PDE1A: variants seen among roughly 807,000 people sequenced by gnomAD.
The protein encoded by PDE1A is dual specificity calcium/calmodulin-dependent 3',5'-cyclic nucleotide phosphodiesterase 1A.
Under a neutral mutation model 61.7 loss-of-function variants are expected in PDE1A, and 35 were observed. The observed-to-expected ratio is 0.57, with a 90% CI of 0.43 to 0.75. The LOEUF is 0.75. Ranked by LOEUF, PDE1A falls within the 30% of genes least tolerant of loss-of-function variation. PDE1A has a pLI of 0.00. For synonymous variants in PDE1A, 232 were observed against 213.2 expected (o/e 1.09, Z -0.77); for missense variants, 597 against 630.6 (o/e 0.95, Z 0.57).
chr2:182,292,484 A>G (rs1210134034), intron 1 of PDE1A, among the ~76,000 whole-genome samples: 1 of 152,018 alleles, frequency 6.6e-6, no homozygotes, highest in Non-Finnish European at 1.5e-5. Flanking sequence ...TATCTGTCAC[A>G]CAGAATTTGA....
chr2:182,654,942 T>G, the PDE1A span, among the ~76,000 whole-genome samples: 183 of 152,302 alleles, frequency 1.2e-3, 2 homozygotes, highest in African/African-American at 4.3e-3. Context: ...GGTCAAGGCC[T>G]CCTGGTTATT....
At chr2:182,205,856 T>C in intron 8 of PDE1A, 84 bp downstream of exon 8, 1 of 1,267,418 alleles carries the variant, frequency 7.9e-7, no homozygotes, top group Non-Finnish European at 1.1e-6. Flanking sequence ...ATGCATCGAC[T>C]TTCATCTTTT....
the PDE1A span, among the ~76,000 whole-genome samples, chr2:182,645,814 T>C: frequency 3.3e-5 from 5 of 152,232 alleles, no homozygotes; most frequent in Non-Finnish European, 7.3e-5. Context: ...GCCAGCTTCT[T>C]GTTCCATAGT....
In PDE1A at chr2:182,298,258, G is replaced by C. The variant is rs1463568551; in HGVS notation, c.54-33844C>G. Among the ~76,000 whole-genome samples, 6 of 152,316 alleles carry C rather than the reference G, an allele frequency of 3.9e-5. No individual in the cohort carries two copies. In the Middle Eastern group the frequency reaches 0.01, roughly 259 times the overall value. ...TATGAAATTGGGCGGCTGTTGATAA[G>C]TGCCATTGCAGCGCTTAAAGCAAGA... On this transcript the variant is annotated intron_variant, in intron 1 of 13. Transcript: ENST00000351439.
intron 1 of PDE1A, among the ~76,000 whole-genome samples, chr2:182,342,550 A>G (rs1698259417): frequency 6.6e-6 from 1 of 152,266 alleles, no homozygotes; most frequent in South Asian, 2.1e-4. Context: ...TGGCGTGGTA[A>G]CACGTGCCTG....
At chr2:182,467,523 A>G (rs559895088) in intron 2 of PDE1A, among the ~76,000 whole-genome samples, 1 of 152,062 alleles carries the variant, frequency 6.6e-6, no homozygotes, top group East Asian at 1.9e-4. Flanking sequence ...CAGAGAGTAG[A>G]GTATTAGAAA....
chr2:182,165,826 T>A (rs1462308951), downstream of PDE1A, among the ~76,000 whole-genome samples: 21 of 152,352 alleles, frequency 1.4e-4, no homozygotes, highest in Admixed American at 1.2e-3. Flanking sequence ...TATATTAACA[T>A]GTCTTAAGCA....
At chr2:182,601,940 TC>T in the PDE1A span, among the ~76,000 whole-genome samples, 1 of 152,126 alleles carries the variant, frequency 6.6e-6, no homozygotes, top group South Asian at 2.1e-4. Context: ...CACCACAAGT[TC>T]CCACTCCATT....
chr2:182,691,286 A>C, the PDE1A span, among the ~76,000 whole-genome samples: 1 of 152,232 alleles, frequency 6.6e-6, no homozygotes, highest in Admixed American at 6.5e-5. Context: ...ACTATACTAC[A>C]AGGCTACAGT....
the PDE1A span, among the ~76,000 whole-genome samples, chr2:182,583,540 C>G: frequency 6.6e-6 from 1 of 152,158 alleles, no homozygotes; most frequent in Non-Finnish European, 1.5e-5. Context: ...GTTTACTTTT[C>G]CTTTGGGTAA....
At chr2:182,541,035 C>T in the PDE1A span, among the ~76,000 whole-genome samples, 4 of 151,706 alleles carry the variant, frequency 2.6e-5, no homozygotes, top group Admixed American at 1.3e-4. Flanking sequence ...GGGAAAGATC[C>T]GAGAAAGGAA....
intron 2 of PDE1A, among the ~76,000 whole-genome samples, chr2:182,512,511 C>T (rs1210517688): frequency 6.6e-6 from 1 of 152,166 alleles, no homozygotes; most frequent in Non-Finnish European, 1.5e-5. Flanking sequence ...AAGAAAGAAA[C>T]AATGCAAGAA....
chr2:182,626,754 T>TATATATAC, the PDE1A span, among the ~76,000 whole-genome samples: 1 of 5,078 alleles, frequency 2.0e-4, no homozygotes, highest in Non-Finnish European at 7.6e-4. Flanking sequence ...TATACATATA[T>TATATATAC]ATATATACAT....
intron 2 of PDE1A, among the ~76,000 whole-genome samples, chr2:182,522,007 T>C (rs141795053): frequency 6.6e-6 from 1 of 152,254 alleles, no homozygotes; most frequent in African/African-American, 2.4e-5. Flanking sequence ...GAACCACATA[T>C]CTAAACAGCA....
chr2:182,207,726 C>T (rs370632976), intron 7 of PDE1A, among the ~76,000 whole-genome samples: 3 of 152,190 alleles, frequency 2.0e-5, no homozygotes, highest in Admixed American at 2.0e-4. Context: ...ATTTCAGAGA[C>T]CTTCATGGCA....
chr2:182,246,685 T>C (rs2163695), intron 2 of PDE1A, among the ~76,000 whole-genome samples: 1 of 152,108 alleles, frequency 6.6e-6, no homozygotes, highest in South Asian at 2.1e-4. Flanking sequence ...TGGGATTGTA[T>C]ACAGGTGTGA....
chr2:182,173,627 A>G (rs1371414983), intron 13 of PDE1A, among the ~76,000 whole-genome samples: 1 of 151,750 alleles, frequency 6.6e-6, no homozygotes. Context: ...TAAACTTCTA[A>G]TTACATTTTG....
At chr2:182,218,725 ATT>A (rs879366232) in intron 7 of PDE1A, among the ~76,000 whole-genome samples, 26 of 151,956 alleles carry the variant, frequency 1.7e-4, no homozygotes, top group Non-Finnish European at 2.9e-4. Flanking sequence ...AGATCATGTG[ATT>A]TTTTTCCTGT....
chr2:182,554,495 G>A, the PDE1A span, among the ~76,000 whole-genome samples: 2 of 152,096 alleles, frequency 1.3e-5, no homozygotes, highest in African/African-American at 2.4e-5. Flanking sequence ...TCATCTCCAG[G>A]AATGAAGTAT....
Sources: allele counts gnomAD v4.1 joint callset (sites outside exome capture counted in the v4.1 genomes callset), GRCh38; gene constraint gnomAD v4.1.1; transcripts MANE v1.5; gene names NCBI Gene and HGNC (gene_info 2026-07-23, HGNC 2026-07-21).